Variants in DOP1A observed in about 807,000 individuals in gnomAD.
The protein encoded by DOP1A is protein DOP1A.
DOP1A carries 90 observed loss-of-function variants against 267.6 expected under a neutral mutation model. That is an observed-to-expected ratio of 0.34 (90% CI 0.28 to 0.40). The LOEUF (loss-of-function observed/expected upper bound fraction) is 0.40. DOP1A is among the 10% of genes least tolerant of loss of function. The probability of loss-of-function intolerance (pLI) is 1.00; values close to 1 mark genes in which losing one functional copy is unlikely to be tolerated. For missense variants in DOP1A, 2,437 were observed against 2,900.4 expected, an observed-to-expected ratio of 0.84 and a Z score of 3.67; for synonymous variants, 932 against 999.1, an observed-to-expected ratio of 0.93 and a Z score of 1.27.
rs201982900 is a variant in DOP1A at position 83,135,579 on chromosome 6, A to C, written c.2871-40A>C. ...TTTATAAAAGAGTGTGACAAGGTAG[A>C]TGTTTGGTTCTTTATTTTAATTATT... On this transcript the variant is annotated intron_variant, in intron 19 of 38. Transcript: ENST00000349129. 3.6e-5 allele frequency: 56 copies of C among 1,570,362 alleles called. No individual in the cohort carries two copies. The East Asian group carries it at 1.2e-3, about 34-fold the overall frequency.
In DOP1A at chr6:83,091,550, A is replaced by C. The variant is rs147253984; in HGVS notation, c.-146-5181A>C. On this transcript the variant is annotated intron_variant, in intron 1 of 38. Coordinates refer to ENST00000349129, the MANE Select transcript of DOP1A (RefSeq NM_015018.4). ...AAACTTTTTAGCTGTAGATGCATAC[A>C]AGAGTTATAAGCCTTACAGACATAG... Among the ~76,000 whole-genome samples the C allele has an allele frequency of 3.8e-3, 583 of 152,292 alleles. 3 individuals are homozygous for C. Among genetic ancestry groups the C allele is most frequent in the African/African-American group, 0.014 (563 of 41,568 alleles).
intron 37 of DOP1A, among the ~76,000 whole-genome samples, chr6:83,162,141 A>G (rs1301347398): frequency 6.6e-6 from 1 of 152,118 alleles, no homozygotes; most frequent in African/African-American, 2.4e-5. Context: ...AACTCTCTGG[A>G]CGGACTTACG....
At chr6:83,094,547 A>G (rs1020824074) in intron 1 of DOP1A, among the ~76,000 whole-genome samples, 4 of 152,246 alleles carry the variant, frequency 2.6e-5, no homozygotes, top group South Asian at 2.1e-4. Context: ...CAGTTTCTAC[A>G]TAACACGCTT....
intron 27 of DOP1A, among the ~76,000 whole-genome samples, chr6:83,149,284 A>G (rs564063497): frequency 6.6e-6 from 1 of 152,236 alleles, no homozygotes; most frequent in East Asian, 1.9e-4. Context: ...TATCTTAGTG[A>G]TTTATATGAT....
chr6:83,091,179 G>A (rs62419228), intron 1 of DOP1A, among the ~76,000 whole-genome samples: 14,278 of 151,520 alleles, frequency 0.094, 869 homozygotes, highest in East Asian at 0.16. Context: ...ACCACCATGA[G>A]GATACCATGG....
intron 6 of DOP1A, among the ~76,000 whole-genome samples, chr6:83,110,814 T>C (rs1416184677): frequency 6.6e-6 from 1 of 152,202 alleles, no homozygotes; most frequent in East Asian, 1.9e-4. Flanking sequence ...TTTCTGCATA[T>C]GATTATGACA....
Position 83,138,136 on chromosome 6 carries a change from T to C in DOP1A, c.4094T>C (p.Leu1365Pro), listed in dbSNP as rs1401848923. The change falls in exon 21 of 39, where the codon CTC becomes CCC. Residue 1365 changes from leucine (L) to proline (P), a missense_variant. Physicochemically the swap from Leu to Pro is moderately conservative, Grantham distance 98 (BLOSUM62 -3). This residue lies in a region of DOP1A where 878 missense variants were observed against 992.9 expected (regional missense o/e 0.88). Coordinates refer to ENST00000349129, the MANE Select transcript of DOP1A (RefSeq NM_015018.4). ...TCTCCCAATTTCAACATTCATCCTCTCTATCAACATGTGCTCCTGTATCTC... is the reference window on the plus strand; with the variant it reads ...TCTCCCAATTTCAACATTCATCCTCCCTATCAACATGTGCTCCTGTATCTC... ...RKSPNFNIHP[L>P]YQHVLLYLQL... The C allele has an allele frequency of 5.0e-6, 8 of 1,613,972 alleles. No homozygotes were observed. The highest frequency in any genetic ancestry group is 6.8e-6 in the Non-Finnish European group (8 of 1,179,910).
chr6:83,145,543 A>G lies in DOP1A; in HGVS notation c.5561A>G (p.Glu1854Gly). Residue 1854 changes from glutamate (E) to glycine (G), a missense_variant, in exon 25 of 39, where the codon GAA becomes GGA. Physicochemically the swap from Glu to Gly is moderately conservative, Grantham distance 98 (BLOSUM62 -2). This residue lies in a region of DOP1A where 307 missense variants were observed against 308.6 expected (regional missense o/e 0.99). Coordinates refer to ENST00000349129, the MANE Select transcript of DOP1A (RefSeq NM_015018.4). ...ACCTAGGTCATTCCTGCAGCCAGTG[A>G]AGAACAGCTTTTATTAGTGGAATTG... ...TRTKVIPAAS[E>G]EQLLLVELVR... 6.2e-7 allele frequency: 1 copy of G among 1,603,360 alleles called. No homozygotes were observed. The highest frequency in any genetic ancestry group is 1.7e-4 in the Middle Eastern group (1 of 6,056).
downstream of DOP1A, chr6:83,168,990 A>T: frequency 7.8e-7 from 1 of 1,288,328 alleles, no homozygotes; most frequent in Non-Finnish European, 9.9e-7. Context: ...TGAATTGTAT[A>T]CTTAAGTCCC....
At chr6:83,134,507 T>A in intron 19 of DOP1A, 1 of 428,256 alleles carries the variant, frequency 2.3e-6, no homozygotes, top group Non-Finnish European at 4.1e-6. Context: ...CGGCTCCACT[T>A]CCCTTCCTTG....
intron 3 of DOP1A, among the ~76,000 whole-genome samples, chr6:83,097,852 TTTATTTTATTTTA>T (rs1231631496): frequency 6.6e-6 from 1 of 150,492 alleles, no homozygotes; most frequent in East Asian, 1.9e-4. Context: ...TCTATTTTAT[TTTATTTTATTTTA>T]TTATTTTATT....
intron 6 of DOP1A, 39 bp from the exon 7 acceptor site, chr6:83,113,284 C>CAT (rs775240948): frequency 1.3e-4 from 205 of 1,540,582 alleles, no homozygotes; most frequent in Admixed American, 3.4e-5. Flanking sequence ...AATGTCTCAG[C>CAT]ATAATAGACA....
intron 12 of DOP1A, among the ~76,000 whole-genome samples, chr6:83,124,204 G>A (rs1448472555): frequency 6.6e-6 from 1 of 152,054 alleles, no homozygotes; most frequent in South Asian, 2.1e-4. Context: ...GATTTAATGT[G>A]AATGTTTGTT....
chr6:83,148,999 GA>G, intron 27 of DOP1A, 136 bp downstream of exon 27: 1 of 501,158 alleles, frequency 2.0e-6, no homozygotes, highest in Non-Finnish European at 3.3e-6. Context: ...TGCAAAACTA[GA>G]TGTATAAGGC....
Position 83,168,304 on chromosome 6 carries a change from A to G in DOP1A, c.*137A>G. The G allele has an allele frequency of 7.0e-7, 1 of 1,429,486 alleles. No individual in the cohort carries two copies. Among genetic ancestry groups the G allele is most frequent in the Non-Finnish European group, 9.1e-7 (1 of 1,098,232 alleles). The allele number at this position is 1,429,486 out of a possible 1,614,324, so 88.6% of individuals were successfully genotyped here. A position where few individuals can be genotyped will look rare whatever the true frequency, so the allele number is the denominator to read the frequency against. On this transcript the variant is annotated 3_prime_UTR_variant, in exon 39 of 39. Transcript: ENST00000349129. ...GATTGTATTTAATTTAAATATTTGT[A>G]TATAAGAGCAAATGTCTGAATGTGG...
chr6:83,101,732 G>C (rs1327900160), intron 4 of DOP1A, among the ~76,000 whole-genome samples: 3 of 152,044 alleles, frequency 2.0e-5, no homozygotes, highest in Admixed American at 6.6e-5. Flanking sequence ...CCATACCCAT[G>C]ATTTATTTTT....
intron 1 of DOP1A, among the ~76,000 whole-genome samples, chr6:83,069,536 T>C (rs1222109024): frequency 6.6e-6 from 1 of 152,304 alleles, no homozygotes; most frequent in East Asian, 1.9e-4. Context: ...ACTGTAAAGG[T>C]CCATGCATTA....
chr6:83,086,347 T>C (rs1398712771), intron 1 of DOP1A, among the ~76,000 whole-genome samples: 2 of 152,094 alleles, frequency 1.3e-5, no homozygotes, highest in East Asian at 3.9e-4. Context: ...GTTCATTAAG[T>C]GGAAGTGGAT....
chr6:83,137,170 CAGTG>C lies in DOP1A; in HGVS notation c.3131_3134del (p.Val1044AlafsTer21), dbSNP rs1778994249. The C allele has an allele frequency of 1.3e-6, 2 of 1,524,468 alleles. No homozygotes were observed. The highest frequency in any genetic ancestry group is 2.2e-5 in the Admixed American group (1 of 45,178). The allele number at this position is 1,524,468 out of a possible 1,614,324, so 94.4% of individuals were successfully genotyped here. ...TTCTTTTACTGTTTTTCTCATATAT[CAGTG>C]AGCCAAGTACAACTCATCACATCAA... On this transcript the variant is annotated splice_acceptor_variant and coding_sequence_variant, in exon 21 of 39. Transcript: ENST00000349129. LOFTEE classifies it high-confidence loss of function.
Sources: allele counts gnomAD v4.1 joint callset (sites outside exome capture counted in the v4.1 genomes callset), GRCh38; gene constraint gnomAD v4.1.1; regional missense constraint gnomAD v4.1.1; transcripts MANE v1.5; gene names NCBI Gene and HGNC (gene_info 2026-07-23, HGNC 2026-07-21).